Variants in RNF144A observed in about 807,000 individuals in gnomAD.
RNF144A encodes the protein E3 ubiquitin-protein ligase RNF144A.
Under a neutral mutation model 38.7 loss-of-function variants are expected in RNF144A, and 11 were observed. That is an observed-to-expected ratio of 0.28 (90% CI 0.18 to 0.47). RNF144A has a LOEUF of 0.47. RNF144A is among the 20% of genes least tolerant of loss of function. The pLI, the probability that RNF144A is intolerant of heterozygous loss-of-function variation, is 0.99. For missense variants in RNF144A, 316 were observed against 377.2 expected, an observed-to-expected ratio of 0.84 and a Z score of 1.34; for synonymous variants, 149 against 143.9, an observed-to-expected ratio of 1.04 and a Z score of -0.25.
At position 7,042,010 on chromosome 2, in the gene RNF144A, A is replaced by T. The variant is rs1337080268; in HGVS notation, c.*2250A>T. The T allele has an allele frequency of 1.0e-6, 1 of 985,322 alleles. No homozygotes were observed. Among genetic ancestry groups the T allele is most frequent in the Non-Finnish European group, 1.2e-6 (1 of 829,936 alleles). 61.0% of individuals were successfully genotyped at this position (985,322 alleles called of 1,614,324 possible). On this transcript the variant is annotated 3_prime_UTR_variant, in exon 9 of 9. Transcript: ENST00000320892. ...ACGTAGTTCAACCCAGATAGGGACC[A>T]CAGAGATTCTGGGGCCAGCCAGGGG...
At chr2:7,048,453 T>A (rs13427794), downstream of RNF144A, among the ~76,000 whole-genome samples, 9,333 of 152,210 alleles carry the variant, frequency 0.061, 622 homozygotes, top group African/African-American at 0.17. Context: ...AGTCTTGCCC[T>A]ATAACAAACA....
rs765567289 is a variant in RNF144A, at chr2:6,984,306, C to CT, written c.-11-12598dup. Among the ~76,000 whole-genome samples, 479 of 146,408 alleles carry CT rather than the reference C, an allele frequency of 3.3e-3. 5 individuals are homozygous for CT. Among genetic ancestry groups the CT allele is most frequent in the African/African-American group, 8.4e-3 (338 of 40,322 alleles). On this transcript the variant is annotated intron_variant, in intron 2 of 8. Transcript: ENST00000320892. The stretch of plus-strand genomic sequence containing the variant: ...TGGAACCAAGTTTCTTTTTTCTTTT[C>CT]TTTTTTTTTTTTCCAAGAAGGAGTC...
chr2:7,042,750 G>A lies in RNF144A; in HGVS notation c.*2990G>A. 1.0e-6 allele frequency: 1 copy of A among 985,498 alleles called. No homozygotes were observed. Among genetic ancestry groups the A allele is most frequent in the African/African-American group, 1.7e-5 (1 of 57,370 alleles). The allele number at this position is 985,498 out of a possible 1,614,324, so 61.0% of individuals were successfully genotyped here. A position where few individuals can be genotyped will look rare whatever the true frequency, so the allele number is the denominator to read the frequency against. On this transcript the variant is annotated 3_prime_UTR_variant, in exon 9 of 9. Coordinates refer to ENST00000320892, the MANE Select transcript of RNF144A (RefSeq NM_014746.6). ...TGTCCACGTAGCAGAGACTGACTTA[G>A]GATCTGAGATAAAGCATCGGATTGC...
At chr2:6,990,474 A>C (rs1271573060) in intron 2 of RNF144A, among the ~76,000 whole-genome samples, 1 of 72,658 alleles carries the variant, frequency 1.4e-5, no homozygotes, top group Non-Finnish European at 3.0e-5. Flanking sequence ...ATAACATATA[A>C]TATATATAGC....
At chr2:6,925,868 G>A (rs779685070) in intron 1 of RNF144A, among the ~76,000 whole-genome samples, 1 of 152,142 alleles carries the variant, frequency 6.6e-6, no homozygotes, top group Non-Finnish European at 1.5e-5. Context: ...ACACACGTGT[G>A]CGCACACACA....
chr2:7,046,893 T>A (rs1673329942), downstream of RNF144A, among the ~76,000 whole-genome samples: 1 of 152,262 alleles, frequency 6.6e-6, no homozygotes, highest in Non-Finnish European at 1.5e-5. Flanking sequence ...TTATTTTTTC[T>A]CACTGACTTA....
rs1171073119 is a variant in RNF144A at position 6,962,967 on chromosome 2, G to A, written c.-12+21820G>A. Among the ~76,000 whole-genome samples, 1 of 152,202 alleles carries A rather than the reference G, an allele frequency of 6.6e-6. No individual in the cohort carries two copies. The highest frequency in any genetic ancestry group is 1.9e-4 in the East Asian group (1 of 5,198). ...ATAATTTTAAAAGATGGATGAATAA[G>A]GGGACTGTCCTCAGCACTGAGAAGC... On this transcript the variant is annotated intron_variant, in intron 2 of 8. Transcript: ENST00000320892. This position sits in a 1 kb window ranked among gnomAD's most constrained non-coding sequence, Gnocchi z 4.1.
At chr2:6,935,207 T>C (rs1250595083) in intron 1 of RNF144A, among the ~76,000 whole-genome samples, 3 of 152,230 alleles carry the variant, frequency 2.0e-5, no homozygotes, top group Non-Finnish European at 4.4e-5. Context: ...TTCCTGTTAC[T>C]ACTTTAGCCA....
intron 6 of RNF144A, among the ~76,000 whole-genome samples, chr2:7,051,562 G>T (rs1015417202): frequency 2.0e-4 from 30 of 152,192 alleles, no homozygotes; most frequent in African/African-American, 7.0e-4. Context: ...TCTATGCCCA[G>T]CCTGTGGAGT....
Position 7,041,257 on chromosome 2 carries a change from G to A in RNF144A, c.*1497G>A. Reference sequence around the variant, plus strand: ...ACATTTTTAAAATGTTGCTTTGTGTGTGTTTGACTTCTGCATTTGAGTATC... The same window carrying A: ...ACATTTTTAAAATGTTGCTTTGTGTATGTTTGACTTCTGCATTTGAGTATC... On this transcript the variant is annotated 3_prime_UTR_variant, in exon 9 of 9. Transcript: ENST00000320892. The A allele has an allele frequency of 4.1e-6, 4 of 985,644 alleles. No individual in the cohort carries two copies. The highest frequency in any genetic ancestry group is 4.8e-6 in the Non-Finnish European group (4 of 829,922). 61.1% of individuals were successfully genotyped at this position (985,644 alleles called of 1,614,324 possible).
At chr2:7,058,513 G>A (rs1200762330) in intron 6 of RNF144A, among the ~76,000 whole-genome samples, 2 of 151,958 alleles carry the variant, frequency 1.3e-5, no homozygotes, top group Non-Finnish European at 2.9e-5. Context: ...TCATTTTCTA[G>A]TCCTTATATT....
chr2:6,981,329 C>T (rs1668621505), intron 2 of RNF144A, among the ~76,000 whole-genome samples: 1 of 151,918 alleles, frequency 6.6e-6, no homozygotes, highest in African/African-American at 2.4e-5. Flanking sequence ...AAACTTTTAT[C>T]TCTGCTTTTT....
Position 6,945,370 on chromosome 2 carries a change from C to T in RNF144A, c.-12+4223C>T, listed in dbSNP as rs990870033. Among the ~76,000 whole-genome samples, 3 of 152,198 alleles carry T rather than the reference C, an allele frequency of 2.0e-5. No homozygotes were observed. The East Asian group carries it at 5.8e-4, about 29-fold the overall frequency. On this transcript the variant is annotated intron_variant, in intron 2 of 8. Coordinates refer to ENST00000320892, the MANE Select transcript of RNF144A (RefSeq NM_014746.6). ...TCATAACCACATTTTCCACATTTAGCTCAGTTACAGTTTTCTGGGGTTTGT... is the reference window on the plus strand; with the variant it reads ...TCATAACCACATTTTCCACATTTAGTTCAGTTACAGTTTTCTGGGGTTTGT...
At chr2:6,969,081 T>C (rs1667844909) in intron 2 of RNF144A, among the ~76,000 whole-genome samples, 1 of 152,212 alleles carries the variant, frequency 6.6e-6, no homozygotes, top group South Asian at 2.1e-4. Context: ...GTGATGACAA[T>C]AATGATGGCC....
intron 2 of RNF144A, among the ~76,000 whole-genome samples, chr2:6,972,278 A>G (rs1419946495): frequency 6.6e-6 from 1 of 152,224 alleles, no homozygotes; most frequent in Non-Finnish European, 1.5e-5. Flanking sequence ...ATTGAGTGAC[A>G]GTCTGAGATG....
chr2:6,938,491 C>T (rs1019297436), intron 1 of RNF144A, among the ~76,000 whole-genome samples: 10 of 152,112 alleles, frequency 6.6e-5, no homozygotes, highest in Non-Finnish European at 1.5e-4. Context: ...CGTGATCCAC[C>T]TGCCTCGGCC....
intron 1 of RNF144A, among the ~76,000 whole-genome samples, chr2:6,926,243 C>T (rs546970751): frequency 3.9e-5 from 6 of 152,284 alleles, no homozygotes; most frequent in South Asian, 2.1e-4. Context: ...TGCATCTGTC[C>T]GTTTTTGTCA....
intron 1 of RNF144A, among the ~76,000 whole-genome samples, chr2:6,937,290 A>G (rs559535346): frequency 1.1e-3 from 164 of 152,332 alleles, no homozygotes; most frequent in Middle Eastern, 3.4e-3. Flanking sequence ...TGCTGAGAAA[A>G]TGCGGATGCC....
rs917943507 is a variant in RNF144A, at chr2:6,943,583, T to G, written c.-12+2436T>G. Among the ~76,000 whole-genome samples, 1 of 152,056 alleles carries G rather than the reference T, an allele frequency of 6.6e-6. No homozygotes were observed. Among genetic ancestry groups the G allele is most frequent in the Non-Finnish European group, 1.5e-5 (1 of 67,990 alleles). On this transcript the variant is annotated intron_variant, in intron 2 of 8. Transcript: ENST00000320892. This position sits in a 1 kb window ranked among gnomAD's most constrained non-coding sequence, Gnocchi z 4.3. ...ATTCTGTAGAGAGTGAAATATTGAT[T>G]GTGTGGGATGGAGGGCTGCTGAAAA...
Sources: allele counts gnomAD v4.1 joint callset (sites outside exome capture counted in the v4.1 genomes callset), GRCh38; gene constraint gnomAD v4.1.1; non-coding constraint Gnocchi (gnomAD v3.1); transcripts MANE v1.5; gene names NCBI Gene and HGNC (gene_info 2026-07-23, HGNC 2026-07-21).